CHST15: variants seen among roughly 807,000 people sequenced by gnomAD.
The protein encoded by CHST15 is B cell RAG associated protein (GALNAC4S-6ST).
In CHST15, 30 loss-of-function variants were observed where a neutral mutation model predicts 53.6. That is an observed-to-expected ratio of 0.56 (90% CI 0.42 to 0.76). The LOEUF is 0.76. Ranked by LOEUF, CHST15 falls within the 30% of genes least tolerant of loss-of-function variation. The pLI is 0.00. For missense variants in CHST15, 627 were observed against 740.5 expected (o/e 0.85, Z 1.78); for synonymous variants, 296 against 289.8 (o/e 1.02, Z -0.22).
intron 1 of CHST15, among the ~76,000 whole-genome samples, chr10:124,085,801 C>T (rs1245322096): frequency 5.3e-5 from 8 of 152,018 alleles, no homozygotes. Context: ...AAGGGAGGTA[C>T]GGGGAGCAGA....
chr10:124,066,760 G>A (rs1231249770), intron 1 of CHST15, among the ~76,000 whole-genome samples: 2 of 152,246 alleles, frequency 1.3e-5, no homozygotes, highest in Non-Finnish European at 2.9e-5. Flanking sequence ...CACCTGGGCT[G>A]CCATGCACCT....
chr10:124,025,044 C>T (rs1202483575), intron 5 of CHST15, among the ~76,000 whole-genome samples: 2 of 152,204 alleles, frequency 1.3e-5, no homozygotes, highest in Admixed American at 6.5e-5. Context: ...CTCACACAAA[C>T]CCAAACACTG....
chr10:124,073,330 G>T (rs4929818), intron 1 of CHST15, among the ~76,000 whole-genome samples: 11 of 151,888 alleles, frequency 7.2e-5, no homozygotes, highest in Non-Finnish European at 1.3e-4. Context: ...GAACCACACA[G>T]GATTCCAGTT....
intron 1 of CHST15, among the ~76,000 whole-genome samples, chr10:124,057,971 TC>T (rs11341656): frequency 0.46 from 69,414 of 151,910 alleles, 17,823 homozygotes; most frequent in African/African-American, 0.69. Context: ...GCTGCAGTTC[TC>T]CCCCCCAATG....
rs1447911709 is a variant in CHST15, at chr10:124,024,144, C to T, written c.1191-2732G>A. 6.6e-5 allele frequency among the ~76,000 whole-genome samples: 10 copies of T among 152,196 alleles called. No individual in the cohort carries two copies. Among genetic ancestry groups the T allele is most frequent in the Non-Finnish European group, 1.3e-4 (9 of 68,040 alleles). Reference sequence around the variant, plus strand: ...ACGGGCGTGAGCCACCACGCCCAGCCGCCATCCATACTTCCAAACGCTCCC... The same window carrying T: ...ACGGGCGTGAGCCACCACGCCCAGCTGCCATCCATACTTCCAAACGCTCCC... On this transcript the variant is annotated intron_variant, in intron 5 of 7. Transcript: ENST00000435907. This position sits in a 1 kb window ranked among gnomAD's most constrained non-coding sequence, Gnocchi z 4.0.
intron 1 of CHST15, among the ~76,000 whole-genome samples, chr10:124,063,690 T>A (rs1033478102): frequency 6.6e-6 from 1 of 152,058 alleles, no homozygotes; most frequent in Non-Finnish European, 1.5e-5. Context: ...GCTGGAAAAG[T>A]GAACATTCAA....
chr10:124,073,933 C>T (rs577903499), intron 1 of CHST15, among the ~76,000 whole-genome samples: 58 of 152,192 alleles, frequency 3.8e-4, no homozygotes, highest in Non-Finnish European at 6.6e-4. Flanking sequence ...TGGGTGGACT[C>T]GGCCAGGAGG....
At position 124,008,356 on chromosome 10, in the gene CHST15, C is replaced by T. The variant is rs1351157647; in HGVS notation, c.*1793G>A. ...CCACACGTGCGCGTACACACACACA[C>T]ACGCGCGCACTGTACTGCAAATAAA... is the stretch of plus-strand genomic sequence containing the variant. On this transcript the variant is annotated 3_prime_UTR_variant, in exon 8 of 8. Transcript: ENST00000435907. 9.6e-7 allele frequency: 1 copy of T among 1,044,474 alleles called. No homozygotes were observed. Among genetic ancestry groups the T allele is most frequent in the Non-Finnish European group, 1.2e-6 (1 of 869,238 alleles). 64.7% of individuals were successfully genotyped at this position (1,044,474 alleles called of 1,614,324 possible).
intron 5 of CHST15, among the ~76,000 whole-genome samples, chr10:124,035,149 A>G (rs1306507390): frequency 7.5e-6 from 1 of 133,434 alleles, no homozygotes; most frequent in Non-Finnish European, 1.6e-5. Flanking sequence ...CCGCCCCCTA[A>G]CGGGGACCCC....
At chr10:124,040,430 T>C (rs1947690558) in intron 4 of CHST15, among the ~76,000 whole-genome samples, 1 of 152,126 alleles carries the variant, frequency 6.6e-6, no homozygotes, top group Admixed American at 6.5e-5. Flanking sequence ...GCAGGAGACT[T>C]TCAACATGTC....
At chr10:124,025,321 T>G (rs1439759729) in intron 5 of CHST15, among the ~76,000 whole-genome samples, 1 of 152,202 alleles carries the variant, frequency 6.6e-6, no homozygotes, top group African/African-American at 2.4e-5. Context: ...TGGGTTAAAG[T>G]GAACTCACTA....
rs968844331 is a variant in CHST15 at position 124,038,540 on chromosome 10, C to T, written c.1165G>A (p.Val389Ile). Reference protein sequence around the residue: ...HAFQPNARLIVMLRDPVERLY... With the variant: ...HAFQPNARLIIMLRDPVERLY... ...CTCTCCACAGGGTCCCTGAGCATGA[C>T]AATCAGTCTGGCATTTGGCTGAAAG... The change falls in exon 5 of 8, where the codon GTC becomes ATC. Residue 389 changes from valine (V) to isoleucine (I), a missense_variant. Val to Ile is a conservative substitution (Grantham distance 29, BLOSUM62 3). Around this residue, in one of 3 missense-constraint regions of CHST15, gnomAD observed 279 missense variants for 371.6 expected, o/e 0.75. Coordinates refer to ENST00000435907, the MANE Select transcript of CHST15 (RefSeq NM_001270764.2). 5 of 1,614,140 alleles carry T rather than the reference C, an allele frequency of 3.1e-6. No homozygotes were observed. The African/African-American group carries it at 4.0e-5, about 13-fold the overall frequency.
In CHST15 at chr10:124,019,237, T is replaced by C. The variant is rs1187923641; in HGVS notation, c.1347+2019A>G. The stretch of plus-strand genomic sequence containing the variant: ...TGCTGGAAGAAACCACAACCCCACC[T>C]TGAGGCGTCATGCCAGCGCCCCTTT... On this transcript the variant is annotated intron_variant, in intron 6 of 7. Transcript: ENST00000435907. The surrounding 1 kb of genome is among the most constrained non-coding windows in gnomAD (Gnocchi z 4.6). 6.6e-6 allele frequency among the ~76,000 whole-genome samples: 1 copy of C among 152,126 alleles called. No homozygotes were observed. The highest frequency in any genetic ancestry group is 2.4e-5 in the African/African-American group (1 of 41,412).
chr10:124,014,533 G>C (rs546326107), intron 6 of CHST15, among the ~76,000 whole-genome samples: 4 of 152,112 alleles, frequency 2.6e-5, no homozygotes, highest in Non-Finnish European at 5.9e-5. Flanking sequence ...AAATGAGAAC[G>C]TGCCGGTCTC....
In CHST15 at chr10:124,034,564, C is replaced by A. The variant is rs1051911907; in HGVS notation, c.1190+3951G>T. On this transcript the variant is annotated intron_variant, in intron 5 of 7. Transcript: ENST00000435907. ...CCCTGGCTTCATCCCCTAACAGGGA[C>A]CCTGGCTTCATCCCCTAACAGGGAC... Among the ~76,000 whole-genome samples, 17 of 151,314 alleles carry A rather than the reference C, an allele frequency of 1.1e-4. 1 individual carries two copies. Among genetic ancestry groups the A allele is most frequent in the African/African-American group, 4.1e-4 (17 of 41,024 alleles).
intron 2 of CHST15, among the ~76,000 whole-genome samples, 193 bp from the exon 3 acceptor site, chr10:124,045,112 CAAAAAAAAAAAAA>C (rs758243657): frequency 0.055 from 1,846 of 33,756 alleles, 51 homozygotes; most frequent in African/African-American, 0.13. Context: ...CGCCGCCCCA[CAAAAAAAAAAAAA>C]AAAAAAAAAA....
chr10:124,063,379 G>A (rs61863977), intron 1 of CHST15, among the ~76,000 whole-genome samples: 3,948 of 151,438 alleles, frequency 0.026, 104 homozygotes, highest in Non-Finnish European at 0.035. Context: ...GTGACACTCC[G>A]TCTCAAAAAA....
chr10:124,011,134 A>G, intron 7 of CHST15: 1 of 942,020 alleles, frequency 1.1e-6, no homozygotes, highest in Non-Finnish European at 1.3e-6. Flanking sequence ...ACAGAACAGC[A>G]AGGGCTGCGA....
rs1169930445 is a variant in CHST15 at position 124,044,829 on chromosome 10, AG to A, written c.636del (p.Tyr213ThrfsTer47). ...EEFSGQNTTDPYLTNSYVLYS... is the reference protein window; with the variant it reads ...EEFSGQNTTDXYLTNSYVLYS... ...TAGAGCACGTAGGAGTTGGTGAGGTAGGGGTCGGTGGTGTTCTGCCCCGAGA... is the reference window on the plus strand; with the variant it reads ...TAGAGCACGTAGGAGTTGGTGAGGTAGGGTCGGTGGTGTTCTGCCCCGAGA... On this transcript the variant is annotated frameshift_variant, in exon 3 of 8. Coordinates refer to ENST00000435907, the MANE Select transcript of CHST15 (RefSeq NM_001270764.2). LOFTEE classifies it high-confidence loss of function. The A allele has an allele frequency of 6.4e-7, 1 of 1,573,002 alleles. No homozygotes were observed. The highest frequency in any genetic ancestry group is 8.6e-7 in the Non-Finnish European group (1 of 1,156,712).
Sources: allele counts gnomAD v4.1 joint callset (sites outside exome capture counted in the v4.1 genomes callset), GRCh38; gene constraint gnomAD v4.1.1; regional missense constraint gnomAD v4.1.1; non-coding constraint Gnocchi (gnomAD v3.1); transcripts MANE v1.5; gene names NCBI Gene and HGNC (gene_info 2026-07-23, HGNC 2026-07-21).